MOV10: variants seen among roughly 807,000 people sequenced by gnomAD.
MOV10 encodes Mov10 RNA helicase, also known as RNA helicase MOV-10.
MOV10 carries 39 observed loss-of-function variants against 108.4 expected under a neutral mutation model. The observed-to-expected ratio is 0.36, with a 90% confidence interval of 0.28 to 0.47. The LOEUF is 0.47. Among genes scored for constraint, MOV10 ranks in the 20% least tolerant of loss-of-function variants. The pLI, the probability that MOV10 is intolerant of heterozygous loss-of-function variation, is 1.00. For synonymous variants in MOV10, 490 were observed against 523.1 expected (o/e 0.94, Z 0.86); for missense variants, 952 against 1,297.6 (o/e 0.73, Z 4.09).
chr1:112,696,411 C>T (rs762351563), intron 12 of MOV10, 26 bp from the exon 13 acceptor site: 3 of 1,578,720 alleles, frequency 1.9e-6, no homozygotes, highest in East Asian at 2.2e-5. Flanking sequence ...CTGGATATGA[C>T]CCCTGCCTGG....
intron 11 of MOV10, 93 bp downstream of exon 11, chr1:112,695,667 C>T: frequency 7.4e-7 from 1 of 1,357,586 alleles, no homozygotes; most frequent in Non-Finnish European, 9.9e-7. Context: ...GACCTGGATT[C>T]TGATACTTGC....
intron 17 of MOV10, 91 bp downstream of exon 17, chr1:112,698,880 C>A: frequency 9.4e-7 from 1 of 1,060,718 alleles, no homozygotes; most frequent in East Asian, 2.4e-5. Context: ...CTCCAGCCCA[C>A]GTCCCCGTCC....
rs146641181 is a variant in MOV10, at chr1:112,698,408, C to T, written c.2438C>T (p.Pro813Leu). The T allele has an allele frequency of 6.2e-7, 1 of 1,614,220 alleles. No homozygotes were observed. The highest frequency in any genetic ancestry group is 2.2e-5 in the East Asian group (1 of 44,882). Residue 813 changes from proline (P) to leucine (L), a missense_variant, in exon 16 of 21, where the codon CCC (proline) becomes CTC (leucine). Physicochemically the swap from Pro to Leu is moderately conservative, Grantham distance 98 (BLOSUM62 -3). This residue lies in a region of MOV10 where 453 missense variants were observed against 611.5 expected (regional missense o/e 0.74). Transcript: ENST00000369645. Reference protein sequence around the residue: ...VTSYLKLLLAPSSKKGKARLS... With the variant: ...VTSYLKLLLALSSKKGKARLS... ...TCCTACCTGAAGCTGCTCCTGGCCC[C>T]CTCCTCCAAGAAGGGCAAAGCTCGC...
chr1:112,699,983 G>A lies in MOV10; in HGVS notation c.2798+1G>A, dbSNP rs760407502. ...TGGGCCATGACCCTGACTGGAAAGT[G>A]TGAGCATTCCCACCCCATTCTCCCT... On this transcript the variant is annotated splice_donor_variant, in intron 19 of 20. Transcript: ENST00000369645. LOFTEE classifies it high-confidence loss of function. The A allele has an allele frequency of 1.2e-6, 2 of 1,614,192 alleles. No individual in the cohort carries two copies. The highest frequency in any genetic ancestry group is 1.7e-5 in the Admixed American group (1 of 60,026).
chr1:112,694,411 C>T lies in MOV10; in HGVS notation c.1296-42C>T, dbSNP rs1380514552. 6 of 1,611,638 alleles carry T rather than the reference C, an allele frequency of 3.7e-6. No individual in the cohort carries two copies. The highest frequency in any genetic ancestry group is 1.7e-5 in the Admixed American group (1 of 59,940). On this transcript the variant is annotated intron_variant, in intron 8 of 20. Transcript: ENST00000369645. This position sits in a 1 kb window ranked among gnomAD's most constrained non-coding sequence, Gnocchi z 4.1. Reference sequence around the variant, plus strand: ...AGTTCTGGCCCTTTATTGCCCACCTCCCCTGCCCCAACAAACTCTTACCAC... The same window carrying T: ...AGTTCTGGCCCTTTATTGCCCACCTTCCCTGCCCCAACAAACTCTTACCAC...
chr1:112,684,046 G>C (rs1422934812), intron 2 of MOV10, among the ~76,000 whole-genome samples: 1 of 152,000 alleles, frequency 6.6e-6, no homozygotes, highest in Non-Finnish European at 1.5e-5. Context: ...AAAGTCCTGG[G>C]CTCAAGCAAT....
intron 17 of MOV10, 142 bp downstream of exon 17, chr1:112,698,931 C>A: frequency 1.4e-6 from 1 of 725,692 alleles, no homozygotes; most frequent in Non-Finnish European, 2.5e-6. Context: ...TCTCCCTGAG[C>A]CTCTCACTCC....
intron 11 of MOV10, 76 bp from the exon 12 acceptor site, chr1:112,696,072 G>C: frequency 1.0e-6 from 1 of 957,206 alleles, no homozygotes; most frequent in East Asian, 2.5e-5. Flanking sequence ...TGTTTGAGGG[G>C]GGGTACCCAC....
At position 112,689,970 on chromosome 1, in the gene MOV10, C is replaced by T; in HGVS notation, c.708C>T (p.Arg236=). Reference sequence around the variant, plus strand: ...GAGCCGGCACATTCTACATTGCCCGCTTCTTGGCTGCCGTCGCCCACAGCC... The same window carrying T: ...GAGCCGGCACATTCTACATTGCCCGTTTCTTGGCTGCCGTCGCCCACAGCC... ...SEGAGTFYIA[R]FLAAVAHSPL... The change falls in exon 5 of 21, where the codon CGC becomes CGT. Residue 236 remains arginine, a synonymous_variant. Transcript: ENST00000369645. 1 of 1,614,148 alleles carries T rather than the reference C, an allele frequency of 6.2e-7. No individual in the cohort carries two copies. The highest frequency in any genetic ancestry group is 1.1e-5 in the South Asian group (1 of 91,080).
chr1:112,689,991 C>G lies in MOV10; in HGVS notation c.729C>G (p.His243Gln). Residue 243 changes from histidine (H) to glutamine (Q), a missense_variant, in exon 5 of 21, where the codon CAC becomes CAG. This residue lies in a region of MOV10 where 374 missense variants were observed against 468.6 expected (regional missense o/e 0.80). Transcript: ENST00000369645. ...YIARFLAAVAHSPLAAQLKPM... is the reference protein window; with the variant it reads ...YIARFLAAVAQSPLAAQLKPM... ...CCCGCTTCTTGGCTGCCGTCGCCCA[C>G]AGCCCCCTGGCTGCACAGCTGAAGC... is the stretch of plus-strand genomic sequence containing the variant. 6.2e-7 allele frequency: 1 copy of G among 1,614,168 alleles called. No individual in the cohort carries two copies. The highest frequency in any genetic ancestry group is 8.5e-7 in the Non-Finnish European group (1 of 1,180,050).
At position 112,683,424 on chromosome 1, in the gene MOV10, G is replaced by A. The variant is rs114136534; in HGVS notation, c.138-5511G>A. On this transcript the variant is annotated intron_variant, in intron 2 of 20. Coordinates refer to ENST00000369645, the MANE Select transcript of MOV10 (RefSeq NM_001321324.2). ...GGGTTGTTGTATTTTTTATTTTTTTGAGACAAAATCTCATTCTGTCACCCA... is the reference window on the plus strand; with the variant it reads ...GGGTTGTTGTATTTTTTATTTTTTTAAGACAAAATCTCATTCTGTCACCCA... Among the ~76,000 whole-genome samples the A allele has an allele frequency of 8.9e-3, 1,347 of 152,034 alleles. 21 individuals carry two copies. The highest frequency in any genetic ancestry group is 0.031 in the African/African-American group (1,270 of 41,456).
At chr1:112,691,465 T>A (rs1340823333) in intron 5 of MOV10, among the ~76,000 whole-genome samples, 200 bp from the exon 6 acceptor site, 1 of 152,212 alleles carries the variant, frequency 6.6e-6, no homozygotes, top group Non-Finnish European at 1.5e-5. Flanking sequence ...TAGTGATCAT[T>A]TATTACTTAG....
chr1:112,689,570 C>T lies in MOV10; in HGVS notation c.497C>T (p.Thr166Ile). 2 of 1,614,218 alleles carry T rather than the reference C, an allele frequency of 1.2e-6. No homozygotes were observed. The highest frequency in any genetic ancestry group is 2.2e-5 in the South Asian group (2 of 91,092). Residue 166 changes from threonine (T) to isoleucine (I), a missense_variant, in exon 4 of 21, where the codon ACT becomes ATT. This residue lies in a region of MOV10 where 374 missense variants were observed against 468.6 expected (regional missense o/e 0.80). Coordinates refer to ENST00000369645, the MANE Select transcript of MOV10 (RefSeq NM_001321324.2). ...GGCGGAACCCAGTCTGTTACCCTCA[C>T]TCACCTCTTCCCACTCTGCCGGACA... ...RNGGTQSVTL[T>I]HLFPLCRTPQ...
intron 12 of MOV10, 32 bp downstream of exon 12, chr1:112,696,283 C>T (rs763406852): frequency 9.8e-6 from 15 of 1,524,404 alleles, no homozygotes; most frequent in Admixed American, 3.4e-5. Flanking sequence ...GTCTCTGAAT[C>T]GTAAGTGTAA....
At position 112,694,091 on chromosome 1, in the gene MOV10, C is replaced by T; in HGVS notation, c.1214C>T (p.Thr405Ile). 6.2e-7 allele frequency: 1 copy of T among 1,613,966 alleles called. No individual in the cohort carries two copies. The highest frequency in any genetic ancestry group is 1.1e-5 in the South Asian group (1 of 91,074). ...DHLFALLSSE[T>I]HQEDPITYKG... ...CTGTTTGCCCTTTTGTCCTCGGAGA[C>T]ACACCAGGAGGACCCCATCACATAT... Residue 405 changes from threonine (T) to isoleucine (I), a missense_variant, in exon 8 of 21, where the codon ACA becomes ATA. Thr to Ile is a moderately conservative substitution (Grantham distance 89). This residue lies in a region of MOV10 where 453 missense variants were observed against 611.5 expected (regional missense o/e 0.74). Transcript: ENST00000369645. This position sits in a 1 kb window ranked among gnomAD's most constrained non-coding sequence, Gnocchi z 4.1.
At position 112,691,693 on chromosome 1, in the gene MOV10, A is replaced by G. The variant is rs1304447929; in HGVS notation, c.865A>G (p.Met289Val). ...RAKGYDLELS[M>V]ALGTYYPPPR... ...TAAGGGCTATGACCTGGAGTTAAGT[A>G]TGGCGCTGGGGACATACTACCCACC... The change falls in exon 6 of 21, where the codon ATG becomes GTG. Residue 289 changes from methionine (M) to valine (V), a missense_variant. By Grantham distance (21) the Met-to-Val change is conservative. Transcript: ENST00000369645. The G allele has an allele frequency of 5.6e-6, 9 of 1,613,964 alleles. No individual in the cohort carries two copies. Among genetic ancestry groups the G allele is most frequent in the South Asian group, 2.2e-5 (2 of 91,080 alleles).
At chr1:112,676,681 C>G (rs1672223158) in intron 2 of MOV10, among the ~76,000 whole-genome samples, 1 of 152,108 alleles carries the variant, frequency 6.6e-6, no homozygotes, top group South Asian at 2.1e-4. Flanking sequence ...TAAAGGCAGA[C>G]CAAGGACTTG....
rs193214268 is a variant in MOV10, at chr1:112,681,746, C to G, written c.137+6697C>G. ...CCATCCCGCTATTCATTTAGCAAGT[C>G]ATCTTAATTTTCCTGATGCATTTCA... is the stretch of plus-strand genomic sequence containing the variant. On this transcript the variant is annotated intron_variant, in intron 2 of 20. Coordinates refer to ENST00000369645, the MANE Select transcript of MOV10 (RefSeq NM_001321324.2). 2.6e-5 allele frequency among the ~76,000 whole-genome samples: 4 copies of G among 152,040 alleles called. No homozygotes were observed. The East Asian group carries it at 7.7e-4, about 29-fold the overall frequency.
intron 6 of MOV10, 24 bp downstream of exon 6, chr1:112,691,823 C>G: frequency 6.2e-7 from 1 of 1,602,332 alleles, no homozygotes; most frequent in Non-Finnish European, 8.5e-7. Context: ...CTCTGCACCC[C>G]GCACTCTCCC....
Sources: allele counts gnomAD v4.1 joint callset (sites outside exome capture counted in the v4.1 genomes callset), GRCh38; gene constraint gnomAD v4.1.1; regional missense constraint gnomAD v4.1.1; non-coding constraint Gnocchi (gnomAD v3.1); transcripts MANE v1.5; gene names NCBI Gene and HGNC (gene_info 2026-07-23, HGNC 2026-07-21).